The following FNBP1 variants were observed in gnomAD, a reference collection of about 807,000 sequenced individuals.
The protein encoded by FNBP1 is formin binding protein 1.
In FNBP1, 26 loss-of-function variants were observed where a neutral mutation model predicts 90.6. The observed-to-expected ratio is 0.29, with a 90% CI of 0.21 to 0.40. The LOEUF (loss-of-function observed/expected upper bound fraction) is 0.40, where lower values mean the gene tolerates loss of function less well. FNBP1 is among the 10% of genes least tolerant of loss of function. The pLI is 1.00. For missense variants in FNBP1, 635 were observed against 768.0 expected, an observed-to-expected ratio of 0.83 and a Z score of 2.05; for synonymous variants, 260 against 265.2, an observed-to-expected ratio of 0.98 and a Z score of 0.19.
chr9:129,958,062 T>C (rs2132817004), intron 5 of FNBP1, among the ~76,000 whole-genome samples: 1 of 152,344 alleles, frequency 6.6e-6, no homozygotes, highest in Admixed American at 6.5e-5. Context: ...GATGTTTCAT[T>C]AGTGTTTTTA....
intron 12 of FNBP1, among the ~76,000 whole-genome samples, chr9:129,908,007 G>A (rs1408110257): frequency 1.3e-5 from 2 of 152,014 alleles, no homozygotes; most frequent in East Asian, 1.9e-4. Flanking sequence ...GATTACAGGT[G>A]TGAGCCACTG....
In FNBP1 at chr9:129,957,393, A is replaced by G; in HGVS notation, c.480T>C (p.Ala160=). 6.2e-7 allele frequency: 1 copy of G among 1,613,552 alleles called. No individual in the cohort carries two copies. Among genetic ancestry groups the G allele is most frequent in the Non-Finnish European group, 8.5e-7 (1 of 1,179,710 alleles). Residue 160 remains alanine, a synonymous_variant, in exon 6 of 17, where the codon GCT becomes GCC. Coordinates refer to ENST00000446176, the MANE Select transcript of FNBP1 (RefSeq NM_015033.3). The surrounding 1 kb of genome is among the most constrained non-coding windows in gnomAD (Gnocchi z 4.3). Reference sequence around the variant, plus strand: ...CATCCGCTTTTGTGACATTGATGTCAGCGTCCATTTTCTCAAAGTACTGCT... The same window carrying G: ...CATCCGCTTTTGTGACATTGATGTCGGCGTCCATTTTCTCAAAGTACTGCT... The part of the protein sequence containing the change: ...RAQQYFEKMD[A]DINVTKADVE...
intron 6 of FNBP1, among the ~76,000 whole-genome samples, chr9:129,946,964 T>C (rs184416044): frequency 1.3e-5 from 2 of 152,326 alleles, no homozygotes; most frequent in East Asian, 3.9e-4. Flanking sequence ...ACTAAACCCA[T>C]TGCTACACTA....
At chr9:129,930,768 C>G (rs2042615053) in intron 6 of FNBP1, among the ~76,000 whole-genome samples, 1 of 152,164 alleles carries the variant, frequency 6.6e-6, no homozygotes, top group African/African-American at 2.4e-5. Context: ...ATTCACATAG[C>G]ATTGTGGTGT....
chr9:130,028,766 G>A (rs1389592190), intron 1 of FNBP1, among the ~76,000 whole-genome samples: 1 of 152,196 alleles, frequency 6.6e-6, no homozygotes, highest in African/African-American at 2.4e-5. Context: ...GTTAAATAAA[G>A]TGCTTGGAGG....
intron 1 of FNBP1, among the ~76,000 whole-genome samples, chr9:130,029,768 G>A (rs2058649009): frequency 1.3e-5 from 2 of 151,992 alleles, no homozygotes; most frequent in Admixed American, 1.3e-4. Flanking sequence ...GGGATCGCTT[G>A]GACTCAGGAG....
rs545667735 is a variant in FNBP1, at chr9:130,003,225, G to A, written c.25-8267C>T. Among the ~76,000 whole-genome samples the A allele has an allele frequency of 1.5e-4, 23 of 152,168 alleles. 1 individual carries two copies. The highest frequency in any genetic ancestry group is 6.2e-4 in the South Asian group (3 of 4,816). ...TGTAATCCCAGTACTTTGGGAGGTC[G>A]AGGCAGGCGGATCATGAGGTCAGGA... On this transcript the variant is annotated intron_variant, in intron 1 of 16. Coordinates refer to ENST00000446176, the MANE Select transcript of FNBP1 (RefSeq NM_015033.3).
chr9:129,906,278 G>A (rs1372056838), intron 12 of FNBP1, among the ~76,000 whole-genome samples: 1 of 152,150 alleles, frequency 6.6e-6, no homozygotes, highest in African/African-American at 2.4e-5. Flanking sequence ...ATTGAGATTT[G>A]CTTTGTGAAA....
chr9:130,052,840 C>T, the FNBP1 span, among the ~76,000 whole-genome samples: 7 of 151,946 alleles, frequency 4.6e-5, no homozygotes, highest in African/African-American at 1.7e-4. Flanking sequence ...GCAGGTTGGG[C>T]GCAGTGACTC....
chr9:130,001,317 A>C (rs1012982777), intron 1 of FNBP1, among the ~76,000 whole-genome samples: 3 of 9,612 alleles, frequency 3.1e-4, no homozygotes, highest in East Asian at 0.12. Flanking sequence ...ATCTCAAAAA[A>C]ACAAAACAAA....
chr9:129,965,813 GAGGGAGGA>G (rs2048537942), intron 4 of FNBP1, among the ~76,000 whole-genome samples: 3 of 92,108 alleles, frequency 3.3e-5, no homozygotes, highest in South Asian at 4.5e-4. Flanking sequence ...AGGAGGGAGG[GAGGGAGGA>G]AGGAAGGAAG....
intron 11 of FNBP1, among the ~76,000 whole-genome samples, chr9:129,911,864 G>C (rs1178272285): frequency 6.6e-6 from 1 of 151,516 alleles, no homozygotes; most frequent in African/African-American, 2.4e-5. Context: ...CCTGGGAGGC[G>C]GAGGTTGTGG....
chr9:129,949,034 G>A (rs2045778911), intron 6 of FNBP1, among the ~76,000 whole-genome samples: 1 of 152,064 alleles, frequency 6.6e-6, no homozygotes, highest in Non-Finnish European at 1.5e-5. Context: ...AAAACAGAGA[G>A]TAAGGATGTC....
At chr9:129,896,724 C>T (rs1269622660) in intron 15 of FNBP1, among the ~76,000 whole-genome samples, 7 of 152,040 alleles carry the variant, frequency 4.6e-5, no homozygotes, top group Non-Finnish European at 8.8e-5. Flanking sequence ...CCACTTGTCC[C>T]GGGTTCAAGT....
At chr9:130,040,173 T>A (rs996650019) in intron 1 of FNBP1, among the ~76,000 whole-genome samples, 1 of 152,216 alleles carries the variant, frequency 6.6e-6, no homozygotes, top group Non-Finnish European at 1.5e-5. Flanking sequence ...CTAGTTTTTT[T>A]AAATCTCAAA....
intron 10 of FNBP1, among the ~76,000 whole-genome samples, chr9:129,920,006 ACTG>A (rs1278873482): frequency 6.6e-6 from 1 of 152,252 alleles, no homozygotes; most frequent in East Asian, 1.9e-4. Context: ...CTTTTTTTGC[ACTG>A]CTATGTCCTA....
At chr9:129,945,597 G>A (rs924688747) in intron 6 of FNBP1, among the ~76,000 whole-genome samples, 1 of 152,194 alleles carries the variant, frequency 6.6e-6, no homozygotes, top group African/African-American at 2.4e-5. Flanking sequence ...GCTAGAGACT[G>A]TTTCCCCAAA....
intron 1 of FNBP1, among the ~76,000 whole-genome samples, chr9:130,015,057 A>AT (rs2057084498): frequency 6.6e-6 from 1 of 152,128 alleles, no homozygotes; most frequent in African/African-American, 2.4e-5. Context: ...TTAATATAAT[A>AT]AATACTGTCA....
intron 6 of FNBP1, among the ~76,000 whole-genome samples, chr9:129,936,122 C>T (rs147705139): frequency 8.5e-5 from 13 of 152,260 alleles, no homozygotes; most frequent in African/African-American, 3.1e-4. Flanking sequence ...ATTATAAATG[C>T]CCACCTTTTG....
Sources: allele counts gnomAD v4.1 joint callset (sites outside exome capture counted in the v4.1 genomes callset), GRCh38; gene constraint gnomAD v4.1.1; non-coding constraint Gnocchi (gnomAD v3.1); transcripts MANE v1.5; gene names NCBI Gene and HGNC (gene_info 2026-07-23, HGNC 2026-07-21).